COL8A1: variants seen among roughly 807,000 people sequenced by gnomAD.
COL8A1 encodes collagen alpha-1(VIII) chain.
A neutral mutation model predicts 42.7 loss-of-function variants in COL8A1; 21 were observed. That is an observed-to-expected ratio of 0.49 (90% CI 0.35 to 0.71). COL8A1 has a LOEUF of 0.71. Ranked by LOEUF, COL8A1 falls within the 30% of genes least tolerant of loss-of-function variation. The pLI is 0.01. For missense variants in COL8A1, 788 were observed against 962.4 expected, an observed-to-expected ratio of 0.82 and a Z score of 2.40; for synonymous variants, 367 against 369.1, an observed-to-expected ratio of 0.99 and a Z score of 0.06.
chr3:99,732,805 C>G (rs552437298), intron 1 of COL8A1, among the ~76,000 whole-genome samples: 19 of 152,296 alleles, frequency 1.2e-4, no homozygotes, highest in African/African-American at 4.3e-4. Flanking sequence ...TCATCTAAGA[C>G]AAGGCAAGTC....
chr3:99,666,372 G>A (rs1424740672), intron 1 of COL8A1, among the ~76,000 whole-genome samples: 2 of 152,140 alleles, frequency 1.3e-5, no homozygotes, highest in Non-Finnish European at 2.9e-5. Flanking sequence ...TCCTGGCATC[G>A]AATGCCATCA....
intron 1 of COL8A1, among the ~76,000 whole-genome samples, chr3:99,687,091 G>A (rs2107329692): frequency 1.3e-5 from 2 of 152,088 alleles, no homozygotes; most frequent in South Asian, 4.2e-4. Context: ...CGATCCTCCT[G>A]CCTTAGTCTC....
chr3:99,684,439 G>T (rs1938987189), intron 1 of COL8A1, among the ~76,000 whole-genome samples: 1 of 152,118 alleles, frequency 6.6e-6, no homozygotes, highest in Admixed American at 6.5e-5. Context: ...GAGGGTTGGG[G>T]TACTGGCATC....
intron 1 of COL8A1, among the ~76,000 whole-genome samples, chr3:99,702,337 C>T (rs1169872450): frequency 2.6e-5 from 4 of 152,244 alleles, no homozygotes; most frequent in East Asian, 1.9e-4. Context: ...ATGAAGTATG[C>T]CGAACTTAAC....
intron 2 of COL8A1, among the ~76,000 whole-genome samples, chr3:99,762,287 A>G (rs894750546): frequency 6.6e-6 from 1 of 152,168 alleles, no homozygotes; most frequent in African/African-American, 2.4e-5. Context: ...ATGTGTATCT[A>G]TGTTAATCAG....
intron 1 of COL8A1, among the ~76,000 whole-genome samples, chr3:99,740,570 C>T (rs1162238091): frequency 6.6e-6 from 1 of 152,134 alleles, no homozygotes; most frequent in Admixed American, 6.5e-5. Flanking sequence ...TGTGAGAACT[C>T]ACTCACTGTC....
In COL8A1 at chr3:99,795,703, A is replaced by G. The variant is rs1201803891; in HGVS notation, c.1802A>G (p.Tyr601Cys). 6.2e-7 allele frequency: 1 copy of G among 1,614,036 alleles called. No individual in the cohort carries two copies. The highest frequency in any genetic ancestry group is 8.5e-7 in the Non-Finnish European group (1 of 1,179,980). ...GIDGVKPPHA[Y>C]GAKKGKNGGP... ...GATGGCGTGAAACCCCCCCATGCCT[A>G]CGGGGCTAAGAAAGGCAAGAATGGA... Residue 601 changes from tyrosine (Y) to cysteine (C), a missense_variant, in exon 4 of 4, where the codon TAC becomes TGC. By Grantham distance (194) the Tyr-to-Cys change is radical. Coordinates refer to ENST00000652472, the MANE Select transcript of COL8A1 (RefSeq NM_020351.4).
chr3:99,789,132 A>G (rs1941949456), intron 2 of COL8A1, among the ~76,000 whole-genome samples: 1 of 152,162 alleles, frequency 6.6e-6, no homozygotes, highest in Admixed American at 6.6e-5. Context: ...CATTTTAAAT[A>G]TTTTATTAGG....
chr3:99,687,519 C>G (rs1344122843), intron 1 of COL8A1, among the ~76,000 whole-genome samples: 1 of 152,128 alleles, frequency 6.6e-6, no homozygotes, highest in African/African-American at 2.4e-5. Flanking sequence ...GAGTGGGGAG[C>G]TATGCCTGGG....
chr3:99,747,281 AATC>A (rs1410625827), intron 2 of COL8A1, among the ~76,000 whole-genome samples: 1 of 152,212 alleles, frequency 6.6e-6, no homozygotes, highest in Non-Finnish European at 1.5e-5. Flanking sequence ...TCTAAGCAAC[AATC>A]ATCATAAAAA....
At chr3:99,738,970 G>A (rs761720734) in intron 1 of COL8A1, among the ~76,000 whole-genome samples, 1 of 152,184 alleles carries the variant, frequency 6.6e-6, no homozygotes, top group Non-Finnish European at 1.5e-5. Context: ...GTATTTGGGT[G>A]GGAGTGACCC....
intron 2 of COL8A1, among the ~76,000 whole-genome samples, chr3:99,763,637 AC>A (rs1941405753): frequency 6.6e-6 from 1 of 152,116 alleles, no homozygotes; most frequent in Non-Finnish European, 1.5e-5. Flanking sequence ...GAAAAAAAAA[AC>A]AAACTTTCCC....
intron 1 of COL8A1, among the ~76,000 whole-genome samples, chr3:99,724,268 C>G (rs777487411): frequency 3.9e-5 from 6 of 152,114 alleles, no homozygotes; most frequent in Non-Finnish European, 7.4e-5. Flanking sequence ...CAGGAGTCAT[C>G]AGGGCAGTGA....
At chr3:99,720,801 T>C (rs147147529) in intron 1 of COL8A1, among the ~76,000 whole-genome samples, 262 of 152,252 alleles carry the variant, frequency 1.7e-3, no homozygotes, top group Middle Eastern at 6.8e-3. Context: ...GATTAGAGAT[T>C]AAGAAAAGAC....
At chr3:99,733,526 AT>A (rs1940593161) in intron 1 of COL8A1, among the ~76,000 whole-genome samples, 1 of 151,374 alleles carries the variant, frequency 6.6e-6, no homozygotes. Context: ...TATGTGCCAC[AT>A]TTTCTTAATC....
intron 1 of COL8A1, among the ~76,000 whole-genome samples, chr3:99,741,034 T>C (rs546539273): frequency 1.9e-3 from 293 of 152,296 alleles, no homozygotes; most frequent in African/African-American, 6.8e-3. Flanking sequence ...TTTAAAACTC[T>C]GGGTATATAA....
In COL8A1 at chr3:99,698,019, A is replaced by G. The variant is rs34453501; in HGVS notation, c.-128-46878A>G. Among the ~76,000 whole-genome samples the G allele has an allele frequency of 2.2e-3, 337 of 151,322 alleles. 1 individual carries two copies. Among genetic ancestry groups the G allele is most frequent in the Non-Finnish European group, 3.9e-3 (265 of 67,886 alleles). On this transcript the variant is annotated intron_variant, in intron 1 of 3. Transcript: ENST00000652472. Reference sequence around the variant, plus strand: ...GTGTGATGTTCCCTGCCCTGTGTCTATGTGTTCTCATTGTTCAATTCCCAC... The same window carrying G: ...GTGTGATGTTCCCTGCCCTGTGTCTGTGTGTTCTCATTGTTCAATTCCCAC...
intron 1 of COL8A1, among the ~76,000 whole-genome samples, chr3:99,653,230 C>G (rs1174941755): frequency 6.6e-6 from 1 of 152,190 alleles, no homozygotes; most frequent in Non-Finnish European, 1.5e-5. Context: ...TCAAGTGTCG[C>G]TGTCTACGTG....
chr3:99,645,279 C>T (rs911063510), intron 1 of COL8A1, among the ~76,000 whole-genome samples: 1 of 151,952 alleles, frequency 6.6e-6, no homozygotes, highest in Non-Finnish European at 1.5e-5. Flanking sequence ...TCCAAACAAG[C>T]GACTTCTTGT....
Sources: allele counts gnomAD v4.1 joint callset (sites outside exome capture counted in the v4.1 genomes callset), GRCh38; gene constraint gnomAD v4.1.1; transcripts MANE v1.5; gene names NCBI Gene and HGNC (gene_info 2026-07-23, HGNC 2026-07-21).